Variants in CDH19 observed in about 807,000 individuals in gnomAD.
CDH19 encodes cadherin-19.
A neutral mutation model predicts 64.2 loss-of-function variants in CDH19; 67 were observed. The observed-to-expected ratio is 1.04, with a 90% CI of 0.86 to 1.28. The LOEUF is 1.28. Ranked by LOEUF, CDH19 falls within the 50% of genes most tolerant of loss-of-function variation. The probability of loss-of-function intolerance (pLI) is 0.00; values close to 1 mark genes in which losing one functional copy is unlikely to be tolerated. For missense variants in CDH19, 1,030 were observed against 929.0 expected (o/e 1.11, Z -1.41); for synonymous variants, 346 against 319.3 (o/e 1.08, Z -0.89).
intron 10 of CDH19, among the ~76,000 whole-genome samples, chr18:66,509,736 C>T (rs1418834738): frequency 6.6e-6 from 1 of 151,588 alleles, no homozygotes; most frequent in Non-Finnish European, 1.5e-5. Flanking sequence ...ATACTTGTGA[C>T]CCATTATTTG....
Position 66,503,417 on chromosome 18 carries a change from A to G in CDH19, c.*1395T>C, listed in dbSNP as rs987042633. Reference sequence around the variant, plus strand: ...CAGAAAAGCAAATACTGAGAATTGTATCATGTTTTATCCCATGAATGGTAA... The same window carrying G: ...CAGAAAAGCAAATACTGAGAATTGTGTCATGTTTTATCCCATGAATGGTAA... On this transcript the variant is annotated 3_prime_UTR_variant, in exon 12 of 12. Coordinates refer to ENST00000262150, the MANE Select transcript of CDH19 (RefSeq NM_021153.4). 3 of 151,884 alleles carry G rather than the reference A, an allele frequency of 2.0e-5. No homozygotes were observed. The highest frequency in any genetic ancestry group is 2.9e-5 in the Non-Finnish European group (2 of 67,840). 9.4% of individuals were successfully genotyped at this position (151,884 alleles called of 1,614,324 possible).
At chr18:66,543,515 G>T (rs890256427) in intron 7 of CDH19, among the ~76,000 whole-genome samples, 1 of 152,076 alleles carries the variant, frequency 6.6e-6, no homozygotes, top group African/African-American at 2.4e-5. Flanking sequence ...CCGACACTGA[G>T]GTTCCCTATT....
intron 9 of CDH19, among the ~76,000 whole-genome samples, chr18:66,529,036 C>T (rs551455990): frequency 6.6e-6 from 1 of 151,650 alleles, no homozygotes; most frequent in African/African-American, 2.4e-5. Flanking sequence ...TATTATGTAC[C>T]AGAGCTTAGA....
At chr18:66,517,912 T>C (rs1985808698) in intron 9 of CDH19, among the ~76,000 whole-genome samples, 1 of 152,026 alleles carries the variant, frequency 6.6e-6, no homozygotes, top group Non-Finnish European at 1.5e-5. Context: ...TTTACAATTC[T>C]ATCATTTATT....
rs1424097672 is a variant in CDH19, at chr18:66,603,391, A to C, written c.-113+563T>G. Among the ~76,000 whole-genome samples the C allele has an allele frequency of 2.0e-5, 3 of 151,650 alleles. No homozygotes were observed. In the East Asian group the frequency reaches 5.8e-4, roughly 29 times the overall value. ...ATAAATGTTATAATACATATAGGTA[A>C]ATTAATATGCCTGTACAATTTTAGG... On this transcript the variant is annotated intron_variant, in intron 1 of 11. Coordinates refer to ENST00000262150, the MANE Select transcript of CDH19 (RefSeq NM_021153.4).
intron 7 of CDH19, among the ~76,000 whole-genome samples, chr18:66,536,798 G>T (rs1013717125): frequency 6.6e-6 from 1 of 151,448 alleles, no homozygotes; most frequent in Non-Finnish European, 1.5e-5. Context: ...AATTTGTTTG[G>T]CTTTGAGGTA....
chr18:66,601,434 C>A (rs1989035256), intron 1 of CDH19, among the ~76,000 whole-genome samples: 1 of 151,894 alleles, frequency 6.6e-6, no homozygotes, highest in Non-Finnish European at 1.5e-5. Context: ...TTGCAAATTT[C>A]ATTTATCATG....
Position 66,503,759 on chromosome 18 carries a change from T to C in CDH19, c.*1053A>G, listed in dbSNP as rs757976781. 53 of 152,010 alleles carry C rather than the reference T, an allele frequency of 3.5e-4. No homozygotes were observed. The highest frequency in any genetic ancestry group is 7.2e-4 in the Non-Finnish European group (49 of 67,922). The allele number at this position is 152,010 out of a possible 1,614,324, so 9.4% of individuals were successfully genotyped here. On this transcript the variant is annotated 3_prime_UTR_variant, in exon 12 of 12. Coordinates refer to ENST00000262150, the MANE Select transcript of CDH19 (RefSeq NM_021153.4). ...ACAAATTTATACTATATAACTCTGA[T>C]TAATTTGTATACACCAAGTATCTGT...
At chr18:66,595,512 GAAA>G (rs55914622) in intron 1 of CDH19, among the ~76,000 whole-genome samples, 1,149 of 84,046 alleles carry the variant, frequency 0.014, 12 homozygotes, top group African/African-American at 0.044. Flanking sequence ...CGGCCCCACA[GAAA>G]AAAAAAAAAA....
chr18:66,568,840 A>ACATTAC (rs1988008445), intron 2 of CDH19, 130 bp from the exon 3 acceptor site: 3 of 669,728 alleles, frequency 4.5e-6, no homozygotes, highest in Non-Finnish European at 7.3e-6. Context: ...ACATTACATT[A>ACATTAC]AATGAGGCAA....
chr18:66,533,221 C>T (rs549246810), intron 8 of CDH19, among the ~76,000 whole-genome samples: 20 of 151,812 alleles, frequency 1.3e-4, no homozygotes, highest in African/African-American at 4.8e-4. Flanking sequence ...ATTACACACA[C>T]ACACACACAC....
At chr18:66,527,990 A>G (rs1025395372) in intron 9 of CDH19, among the ~76,000 whole-genome samples, 1 of 151,616 alleles carries the variant, frequency 6.6e-6, no homozygotes, top group Middle Eastern at 3.2e-3. Flanking sequence ...TAATAAATAT[A>G]AACCATAATT....
chr18:66,535,205 T>C lies in CDH19; in HGVS notation c.1215-98A>G, dbSNP rs560208425. 2.1e-5 allele frequency: 13 copies of C among 605,282 alleles called. No individual in the cohort carries two copies. In the Admixed American group the frequency reaches 2.9e-4, roughly 13 times the overall value. 37.5% of individuals were successfully genotyped at this position (605,282 alleles called of 1,614,324 possible). A position where few individuals can be genotyped will look rare whatever the true frequency, so the allele number is the denominator to read the frequency against. On this transcript the variant is annotated intron_variant, in intron 7 of 11. Coordinates refer to ENST00000262150, the MANE Select transcript of CDH19 (RefSeq NM_021153.4). The stretch of plus-strand genomic sequence containing the variant: ...GCAATAAGACATCTTATTCAATGCA[T>C]GCTCTACATAGCCAATATATAATAC...
chr18:66,560,155 T>C (rs903899570), intron 3 of CDH19, among the ~76,000 whole-genome samples: 1 of 152,202 alleles, frequency 6.6e-6, no homozygotes, highest in East Asian at 1.9e-4. Context: ...ATACCTACAG[T>C]AGTTGCACTA....
At chr18:66,585,104 T>C (rs2040212) in intron 1 of CDH19, among the ~76,000 whole-genome samples, 23,263 of 152,016 alleles carry the variant, frequency 0.15, 1,863 homozygotes, top group African/African-American at 0.18. Flanking sequence ...TGTCAACATG[T>C]TGTTACTCAG....
At chr18:66,528,187 ATG>A (rs1555685085) in intron 9 of CDH19, among the ~76,000 whole-genome samples, 1 of 152,084 alleles carries the variant, frequency 6.6e-6, no homozygotes, top group Non-Finnish European at 1.5e-5. Context: ...ATATTTGTCA[ATG>A]TGTCTAAGTA....
At chr18:66,550,481 A>T (rs112006001) in intron 5 of CDH19, among the ~76,000 whole-genome samples, 2,665 of 152,254 alleles carry the variant, frequency 0.018, 67 homozygotes, top group African/African-American at 0.059. Context: ...AAGTTTGCAG[A>T]TGGAATTCAG....
chr18:66,594,268 G>T (rs893620087), intron 1 of CDH19, among the ~76,000 whole-genome samples: 2 of 151,968 alleles, frequency 1.3e-5, no homozygotes, highest in African/African-American at 4.8e-5. Flanking sequence ...AGAAACCAAG[G>T]TATTGAAGAC....
chr18:66,513,848 C>A (rs1985609563), intron 9 of CDH19, among the ~76,000 whole-genome samples: 2 of 151,454 alleles, frequency 1.3e-5, no homozygotes, highest in South Asian at 2.1e-4. Flanking sequence ...TCTGAAAGCT[C>A]AGATTTTTAG....
Sources: gnomAD v4.1 joint callset for allele counts (sites outside exome capture counted in the v4.1 genomes callset) on GRCh38, gnomAD v4.1.1 for gene constraint, MANE v1.5 for transcripts, NCBI Gene and HGNC (gene_info 2026-07-23, HGNC 2026-07-21) for gene names.